The following AGXT variants were observed in gnomAD, a reference collection of about 807,000 sequenced individuals.
AGXT encodes the protein L-alanine: glyoxylate aminotransferase 1.
A neutral mutation model predicts 46.9 loss-of-function variants in AGXT; 41 were observed. The ratio of observed to expected loss-of-function variants is 0.88; its 90% CI spans 0.68 to 1.14. AGXT has a LOEUF of 1.14. Among genes scored for constraint, AGXT ranks in the 50% most tolerant of loss-of-function variants. The pLI is 0.00. For missense variants in AGXT, 525 were observed against 522.7 expected (o/e 1.00, Z -0.04); for synonymous variants, 244 against 227.9 (o/e 1.07, Z -0.64).
At chr2:240,869,080 C>T in intron 1 of AGXT, 50 bp downstream of exon 1, 1 of 1,611,460 alleles carries the variant, frequency 6.2e-7, no homozygotes, top group African/African-American at 1.3e-5. Flanking sequence ...ATGTTCCCAC[C>T]CACAGATCGT....
chr2:240,871,110 G>T, intron 3 of AGXT: 1 of 603,854 alleles, frequency 1.7e-6, no homozygotes. Context: ...AGCCCTCACA[G>T]GCCAGGCAAC....
At position 240,874,192 on chromosome 2, in the gene AGXT, C is replaced by T. The variant is rs78178548; in HGVS notation, c.680+130C>T. The stretch of plus-strand genomic sequence containing the variant: ...GCTCCTCCAGCACCTGGCGCTCTCC[C>T]GCCCACCCTCTGGGAGGCCAAAGGC... On this transcript the variant is annotated intron_variant, in intron 6 of 10. Transcript: ENST00000307503. 7,129 of 916,090 alleles carry T rather than the reference C, an allele frequency of 7.8e-3. 194 individuals are homozygous for T. In the East Asian group the frequency reaches 0.078, roughly 10 times the overall value. 56.7% of individuals were successfully genotyped at this position (916,090 alleles called of 1,614,324 possible). A position where few individuals can be genotyped will look rare whatever the true frequency, so the allele number is the denominator to read the frequency against.
Position 240,875,133 on chromosome 2 carries a change from G to A in AGXT, c.705G>A (p.Thr235=), listed in dbSNP as rs35977912. The change falls in exon 7 of 11, where the codon ACG becomes ACA. Residue 235 remains threonine, a synonymous_variant. Coordinates refer to ENST00000307503, the MANE Select transcript of AGXT (RefSeq NM_000030.3). ...KAKKKMYSRK[T]KPFSFYLDIK... is the part of the protein sequence containing the mutation. ...GAAAGAAGATGTACTCCCGCAAGAC[G>A]AAGCCCTTCTCCTTCTACCTGGACA... 4,073 of 1,613,672 alleles carry A rather than the reference G, an allele frequency of 2.5e-3. 87 individuals carry two copies. In the African/African-American group the frequency reaches 0.046, roughly 18 times the overall value.
chr2:240,876,081 C>T, intron 8 of AGXT, 77 bp downstream of exon 8: 9 of 1,504,396 alleles, frequency 6.0e-6, no homozygotes, highest in Non-Finnish European at 6.4e-6. Flanking sequence ...AGAGAAGGAA[C>T]CATCCCTGGT....
intron 8 of AGXT, chr2:240,877,090 C>T (rs754914556): frequency 3.0e-6 from 1 of 335,804 alleles, no homozygotes; most frequent in East Asian, 7.6e-5. Flanking sequence ...GGAGAGACCA[C>T]CCCTCACCTG....
In AGXT at chr2:240,880,169, A is replaced by C. The variant is rs2059051077; in HGVS notation, c.*1348A>C. 1 of 152,214 alleles carries C rather than the reference A, an allele frequency of 6.6e-6. No individual in the cohort carries two copies. Among genetic ancestry groups the C allele is most frequent in the Non-Finnish European group, 1.5e-5 (1 of 68,048 alleles). The allele number at this position is 152,214 out of a possible 1,614,324, so 9.4% of individuals were successfully genotyped here. ...TAACTAGGAGTGGAATTGCAGGGTC[A>C]TACAATAGGCTTAACCTTATACGAG... On this transcript the variant is annotated 3_prime_UTR_variant, in exon 11 of 11. Coordinates refer to ENST00000307503, the MANE Select transcript of AGXT (RefSeq NM_000030.3).
intron 2 of AGXT, 89 bp downstream of exon 2, chr2:240,869,451 T>A: frequency 7.0e-7 from 1 of 1,429,070 alleles, no homozygotes. Context: ...CAGCCCCCGT[T>A]CCTGGGTGAG....
intron 8 of AGXT, chr2:240,876,962 G>C (rs985399014): frequency 8.5e-6 from 2 of 234,066 alleles, no homozygotes; most frequent in South Asian, 1.1e-4. Flanking sequence ...GACGGGCCAG[G>C]GCCAGAGTAG....
rs1575713105 is a variant in AGXT at position 240,878,621 on chromosome 2, C to T, written c.1072-93C>T. 15 of 1,227,086 alleles carry T rather than the reference C, an allele frequency of 1.2e-5. No homozygotes were observed. The East Asian group carries it at 3.8e-4, about 31-fold the overall frequency. 76.0% of individuals were successfully genotyped at this position (1,227,086 alleles called of 1,614,324 possible). On this transcript the variant is annotated intron_variant, in intron 10 of 10. Coordinates refer to ENST00000307503, the MANE Select transcript of AGXT (RefSeq NM_000030.3). ...GGACGCTGGGTGGGTGGTCCTCACT[C>T]AGGTGAGCCCATCCTGGCTCTGGCC...
Position 240,869,010 on chromosome 2 carries a change from A to C in AGXT, c.145A>C (p.Met49Leu), listed in dbSNP as rs74205173. Reference protein sequence around the residue: ...AAGGLQMIGSMSKDMYQIMDE... With the variant: ...AAGGLQMIGSLSKDMYQIMDE... The stretch of plus-strand genomic sequence containing the variant: ...CGGGGGGCTGCAGATGATCGGGTCC[A>C]TGAGCAAGGATATGTACCAGGTAGG... Residue 49 changes from methionine (M) to leucine (L), a missense_variant, in exon 1 of 11, where the codon ATG (methionine) becomes CTG (leucine). Transcript: ENST00000307503. 1.6e-4 allele frequency: 255 copies of C among 1,596,674 alleles called. No individual in the cohort carries two copies. In the East Asian group the frequency reaches 4.6e-3, roughly 29 times the overall value.
chr2:240,874,835 G>A (rs1432777396), intron 6 of AGXT, among the ~76,000 whole-genome samples: 1 of 152,236 alleles, frequency 6.6e-6, no homozygotes, highest in Admixed American at 6.5e-5. Flanking sequence ...AGGGGCTGGG[G>A]GAGAGAAAGG....
rs1407423477 is a variant in AGXT at position 240,878,705 on chromosome 2, G to GC, written c.1072-3dup. The GC allele has an allele frequency of 1.3e-6, 2 of 1,548,146 alleles. No individual in the cohort carries two copies. Among genetic ancestry groups the GC allele is most frequent in the Non-Finnish European group, 8.7e-7 (1 of 1,150,046 alleles). On this transcript the variant is annotated splice_polypyrimidine_tract_variant and intron_variant, in intron 10 of 10. Transcript: ENST00000307503. ...GGAGGCTGACGTCAGCCCGCCCTGT[G>GC]CCCCCCAGGTGCTGCGGATCGGCCT...
intron 9 of AGXT, 133 bp downstream of exon 9, chr2:240,877,765 C>A: frequency 9.2e-7 from 1 of 1,089,160 alleles, no homozygotes; most frequent in Non-Finnish European, 1.3e-6. Flanking sequence ...GCCTCGGTGC[C>A]AGGGATTAGT....
intron 8 of AGXT, 24 bp from the exon 9 acceptor site, chr2:240,877,513 C>T (rs1410961231): frequency 8.5e-6 from 13 of 1,535,148 alleles, no homozygotes; most frequent in African/African-American, 1.4e-5. Flanking sequence ...ATGTCACTGC[C>T]CACCAGCGCC....
At chr2:240,876,439 G>T (rs5013752) in intron 8 of AGXT, among the ~76,000 whole-genome samples, 22,147 of 152,198 alleles carry the variant, frequency 0.15, 2,021 homozygotes, top group Non-Finnish European at 0.2. Flanking sequence ...GTGACCAGGG[G>T]TTGATTTGGC....
rs2059005687 is a variant in AGXT, at chr2:240,873,969, C to T, written c.596-9C>T. 6.2e-7 allele frequency: 1 copy of T among 1,613,532 alleles called. No homozygotes were observed. Among genetic ancestry groups the T allele is most frequent in the Non-Finnish European group, 8.5e-7 (1 of 1,179,938 alleles). ...ACTCACCCGTCCCGAGCAAACCACC[C>T]ATCTACAGGCATCGACATCCTGTAC... is the stretch of plus-strand genomic sequence containing the variant. On this transcript the variant is annotated splice_polypyrimidine_tract_variant and intron_variant, in intron 5 of 10. Transcript: ENST00000307503.
Position 240,877,471 on chromosome 2 carries a change from A to G in AGXT, c.847-66A>G, listed in dbSNP as rs1255957833. Reference sequence around the variant, plus strand: ...AGAGTCAGGTTCTTCCTCCCGCACCACAGAGGGCGGGGCTTCCTGCCCACC... The same window carrying G: ...AGAGTCAGGTTCTTCCTCCCGCACCGCAGAGGGCGGGGCTTCCTGCCCACC... On this transcript the variant is annotated intron_variant, in intron 8 of 10. Transcript: ENST00000307503. The G allele has an allele frequency of 2.8e-6, 4 of 1,421,046 alleles. No individual in the cohort carries two copies. In the Admixed American group the frequency reaches 8.2e-5, roughly 29 times the overall value. The allele number at this position is 1,421,046 out of a possible 1,614,324, so 88.0% of individuals were successfully genotyped here.
At position 240,877,591 on chromosome 2, in the gene AGXT, C is replaced by T. The variant is rs886055841; in HGVS notation, c.901C>T (p.Arg301Cys). 18 of 1,550,828 alleles carry T rather than the reference C, an allele frequency of 1.2e-5. No individual in the cohort carries two copies. The highest frequency in any genetic ancestry group is 1.5e-5 in the Non-Finnish European group (17 of 1,146,998). Residue 301 changes from arginine (R) to cysteine (C), a missense_variant, in exon 9 of 11, where the codon CGC (arginine) becomes TGC (cysteine). Arg to Cys is a radical substitution (Grantham distance 180). Transcript: ENST00000307503. ...CGAGGCCGCGGCGTATCTGCATGGG[C>T]GCCTGCAGGCACTGGGGCTGCAGCT... ...HREAAAYLHG[R>C]LQALGLQLFV...
chr2:240,870,409 A>G (rs1444341851), intron 2 of AGXT, among the ~76,000 whole-genome samples: 1 of 152,154 alleles, frequency 6.6e-6, no homozygotes, highest in Non-Finnish European at 1.5e-5. Flanking sequence ...AGCTCTGTCA[A>G]GAGTGCCCCA....
Sources: allele counts gnomAD v4.1 joint callset (sites outside exome capture counted in the v4.1 genomes callset), GRCh38; gene constraint gnomAD v4.1.1; transcripts MANE v1.5; gene names NCBI Gene and HGNC (gene_info 2026-07-23, HGNC 2026-07-21).